PDZRN3: variants seen among roughly 807,000 people sequenced by gnomAD.
PDZRN3 encodes PDZ domain containing ring finger 3.
PDZRN3 carries 38 observed loss-of-function variants against 85.7 expected under a neutral mutation model. The observed-to-expected ratio is 0.44, with a 90% CI of 0.34 to 0.58. The LOEUF (loss-of-function observed/expected upper bound fraction) is 0.58. Among genes scored for constraint, PDZRN3 ranks in the 20% least tolerant of loss-of-function variants. The probability of loss-of-function intolerance (pLI) is 0.01; values close to 1 mark genes in which losing one functional copy is unlikely to be tolerated. For missense variants in PDZRN3, 1,629 were observed against 1,506.4 expected (o/e 1.08, Z -1.35); for synonymous variants, 759 against 638.0 (o/e 1.19, Z -2.86).
chr3:73,398,626 C>G (rs904916398), intron 5 of PDZRN3, among the ~76,000 whole-genome samples: 1 of 152,216 alleles, frequency 6.6e-6, no homozygotes, highest in African/African-American at 2.4e-5. Context: ...GCAGGATGCT[C>G]TCAGGTGCTT....
chr3:73,576,133 C>G (rs1214398288), intron 3 of PDZRN3, among the ~76,000 whole-genome samples: 1 of 152,134 alleles, frequency 6.6e-6, no homozygotes, highest in Non-Finnish European at 1.5e-5. Context: ...CACATATGCA[C>G]AGTGGCATAC....
At chr3:73,574,270 A>G (rs1702085705) in intron 3 of PDZRN3, among the ~76,000 whole-genome samples, 1 of 151,014 alleles carries the variant, frequency 6.6e-6, no homozygotes, top group Admixed American at 6.6e-5. Flanking sequence ...CTTGACTGCT[A>G]ATCTTCTCAC....
intron 3 of PDZRN3, among the ~76,000 whole-genome samples, chr3:73,533,284 C>G (rs1291520992): frequency 6.6e-6 from 1 of 152,182 alleles, no homozygotes; most frequent in Non-Finnish European, 1.5e-5. Flanking sequence ...GGATTCAGCA[C>G]ATAAGCCAAC....
intron 3 of PDZRN3, among the ~76,000 whole-genome samples, chr3:73,414,156 A>T (rs1702030373): frequency 6.6e-6 from 1 of 152,218 alleles, no homozygotes; most frequent in Admixed American, 6.5e-5. Context: ...GAGCAGCAAG[A>T]AAACAAGCAA....
At chr3:73,547,802 G>C (rs1701460419) in intron 3 of PDZRN3, among the ~76,000 whole-genome samples, 1 of 152,226 alleles carries the variant, frequency 6.6e-6, no homozygotes, top group Non-Finnish European at 1.5e-5. Context: ...GGTCAGGCCA[G>C]AGCCAGAGTC....
intron 3 of PDZRN3, among the ~76,000 whole-genome samples, chr3:73,558,658 T>G (rs1332225122): frequency 6.6e-6 from 1 of 152,184 alleles, no homozygotes; most frequent in East Asian, 1.9e-4. Context: ...AGGGGAGAAG[T>G]AGGTCTCTAA....
At chr3:73,396,745 G>A (rs1701645574) in intron 5 of PDZRN3, among the ~76,000 whole-genome samples, 1 of 152,216 alleles carries the variant, frequency 6.6e-6, no homozygotes, top group African/African-American at 2.4e-5. Flanking sequence ...TACATAGGAT[G>A]CTACTGATGA....
chr3:73,624,934 C>T lies in PDZRN3; in HGVS notation c.-109G>A. 1 of 832,486 alleles carries T rather than the reference C, an allele frequency of 1.2e-6. No individual in the cohort carries two copies. Among genetic ancestry groups the T allele is most frequent in the Non-Finnish European group, 1.6e-6 (1 of 623,106 alleles). The allele number at this position is 832,486 out of a possible 1,614,324, so 51.6% of individuals were successfully genotyped here. On this transcript the variant is annotated 5_prime_UTR_variant, in exon 1 of 10. Coordinates refer to ENST00000263666, the MANE Select transcript of PDZRN3 (RefSeq NM_015009.3). ...GCCGCCCGCGCGCTCGCTGGCTCTC[C>T]CCGGACTGAGCCTAATTGATCCAGA...
At chr3:73,480,864 A>G (rs1320415543) in intron 3 of PDZRN3, among the ~76,000 whole-genome samples, 2 of 152,160 alleles carry the variant, frequency 1.3e-5, no homozygotes, top group Non-Finnish European at 2.9e-5. Context: ...CTTTCTTAAC[A>G]TGTTCCATAA....
intron 3 of PDZRN3, among the ~76,000 whole-genome samples, chr3:73,456,810 T>A (rs1196781160): frequency 1.3e-5 from 2 of 152,146 alleles, no homozygotes; most frequent in Non-Finnish European, 2.9e-5. Context: ...ACCACAGGCA[T>A]AAATACTGCC....
Position 73,385,816 on chromosome 3 carries a change from A to G in PDZRN3, c.1519-31T>C, listed in dbSNP as rs770938440. On this transcript the variant is annotated intron_variant, in intron 8 of 9. Coordinates refer to ENST00000263666, the MANE Select transcript of PDZRN3 (RefSeq NM_015009.3). ...GGCAAGAGCAGCCAACACATGCCTT[A>G]GAAGTTTCCTTTCATGTTCATTTAT... 2.5e-6 allele frequency: 3 copies of G among 1,220,154 alleles called. No homozygotes were observed. The South Asian group carries it at 3.7e-5, about 15-fold the overall frequency. 75.6% of individuals were successfully genotyped at this position (1,220,154 alleles called of 1,614,324 possible).
At position 73,408,685 on chromosome 3, in the gene PDZRN3, GA is replaced by G. The variant is rs1396990229; in HGVS notation, c.919-4291del. 2.6e-5 allele frequency among the ~76,000 whole-genome samples: 4 copies of G among 152,182 alleles called. No individual in the cohort carries two copies. In the East Asian group the frequency reaches 7.7e-4, roughly 29 times the overall value. ...TAGGGATCATTACATTCTCTTAAAA[GA>G]TGATGAGACAAGGCGGGAGTTTACT... On this transcript the variant is annotated intron_variant, in intron 3 of 9. Transcript: ENST00000263666.
rs556028360 is a variant in PDZRN3 at position 73,439,404 on chromosome 3, C to G, written c.919-35009G>C. ...GCCTTTGGTAGGACAGTTGCTCCCA[C>G]AAGCCCTGTATACTATGCATGGCTA... is the stretch of plus-strand genomic sequence containing the variant. On this transcript the variant is annotated intron_variant, in intron 3 of 9. Coordinates refer to ENST00000263666, the MANE Select transcript of PDZRN3 (RefSeq NM_015009.3). 1.4e-4 allele frequency among the ~76,000 whole-genome samples: 22 copies of G among 152,298 alleles called. No homozygotes were observed. In the South Asian group the frequency reaches 4.6e-3, roughly 32 times the overall value.
intron 3 of PDZRN3, among the ~76,000 whole-genome samples, chr3:73,420,657 C>T (rs1702181935): frequency 6.6e-6 from 1 of 152,162 alleles, no homozygotes; most frequent in Non-Finnish European, 1.5e-5. Context: ...TTAACTGTCC[C>T]CCAAGAGACT....
chr3:73,383,076 T>C lies in PDZRN3; in HGVS notation c.*289A>G, dbSNP rs1483377613. On this transcript the variant is annotated 3_prime_UTR_variant, in exon 10 of 10. Coordinates refer to ENST00000263666, the MANE Select transcript of PDZRN3 (RefSeq NM_015009.3). Reference sequence around the variant, plus strand: ...GTGAAAGTATGCTTAATAAAAGATCTTTCTGAAATTTAAACACTTTATGTA... The same window carrying C: ...GTGAAAGTATGCTTAATAAAAGATCCTTCTGAAATTTAAACACTTTATGTA... 6.8e-6 allele frequency: 2 copies of C among 295,802 alleles called. No homozygotes were observed. Among genetic ancestry groups the C allele is most frequent in the Non-Finnish European group, 1.2e-5 (2 of 160,070 alleles). 18.3% of individuals were successfully genotyped at this position (295,802 alleles called of 1,614,324 possible). A position where few individuals can be genotyped will look rare whatever the true frequency, so the allele number is the denominator to read the frequency against.
At chr3:73,423,202 G>C (rs1462315967) in intron 3 of PDZRN3, among the ~76,000 whole-genome samples, 3 of 152,202 alleles carry the variant, frequency 2.0e-5, no homozygotes, top group Non-Finnish European at 4.4e-5. Context: ...TCTGTTTTGA[G>C]ACTCCCAAAA....
intron 3 of PDZRN3, among the ~76,000 whole-genome samples, chr3:73,441,798 A>C (rs1189694596): frequency 1.3e-5 from 2 of 152,232 alleles, no homozygotes; most frequent in African/African-American, 2.4e-5. Context: ...AAAACAATCC[A>C]GGAAACACAA....
At chr3:73,585,020 G>A (rs1702258325) in intron 3 of PDZRN3, among the ~76,000 whole-genome samples, 1 of 152,094 alleles carries the variant, frequency 6.6e-6, no homozygotes, top group Non-Finnish European at 1.5e-5. Flanking sequence ...TGTGAGTCCA[G>A]GCTGCCTCCA....
At position 73,384,363 on chromosome 3, in the gene PDZRN3, C is replaced by T. The variant is rs1701302348; in HGVS notation, c.2203G>A (p.Val735Met). 6.2e-7 allele frequency: 1 copy of T among 1,609,584 alleles called. No homozygotes were observed. ...GFRNYNTSID[V>M]RRHELSDITE... is the part of the protein sequence containing the mutation. Reference sequence around the variant, plus strand: ...ATATCTGAGAGCTCGTGTCTGCGCACGTCGATGCTGGTGTTGTAGTTGCGG... The same window carrying T: ...ATATCTGAGAGCTCGTGTCTGCGCATGTCGATGCTGGTGTTGTAGTTGCGG... The change falls in exon 10 of 10, where the codon GTG becomes ATG. Residue 735 changes from valine (V) to methionine (M), a missense_variant. Val to Met is a conservative substitution (Grantham distance 21, BLOSUM62 1). Coordinates refer to ENST00000263666, the MANE Select transcript of PDZRN3 (RefSeq NM_015009.3).
Sources: gnomAD v4.1 joint callset for allele counts (sites outside exome capture counted in the v4.1 genomes callset) on GRCh38, gnomAD v4.1.1 for gene constraint, MANE v1.5 for transcripts, NCBI Gene and HGNC (gene_info 2026-07-23, HGNC 2026-07-21) for gene names.